The following AGAP1 variants were observed in gnomAD, a reference collection of about 807,000 sequenced individuals.
AGAP1 encodes the protein arf-GAP with GTPase, ANK repeat and PH domain-containing protein 1.
AGAP1 carries 29 observed loss-of-function variants against 105.3 expected under a neutral mutation model. The ratio of observed to expected loss-of-function variants is 0.28; its 90% CI spans 0.21 to 0.38. The LOEUF is 0.38. AGAP1 is among the 10% of genes least tolerant of loss of function. The pLI is 1.00. For missense variants in AGAP1, 998 were observed against 1,165.1 expected (o/e 0.86, Z 2.09); for synonymous variants, 509 against 485.9 (o/e 1.05, Z -0.63).
intron 13 of AGAP1, among the ~76,000 whole-genome samples, chr2:236,022,652 G>A (rs561529187): frequency 1.3e-5 from 2 of 152,082 alleles, no homozygotes; most frequent in South Asian, 2.1e-4. Flanking sequence ...TTCATGCCTC[G>A]GCCTCCTGAG....
Position 235,736,803 on chromosome 2 carries a change from C to T in AGAP1, c.311-4160C>T, listed in dbSNP as rs1261364162. Reference sequence around the variant, plus strand: ...CTGCAGTGAGTCATGTCCGTGCCACCGCACTCCAGCCTAGGCAACAGAGTG... The same window carrying T: ...CTGCAGTGAGTCATGTCCGTGCCACTGCACTCCAGCCTAGGCAACAGAGTG... On this transcript the variant is annotated intron_variant, in intron 3 of 17. Coordinates refer to ENST00000304032, the MANE Select transcript of AGAP1 (RefSeq NM_001037131.3). The surrounding 1 kb of genome is among the most constrained non-coding windows in gnomAD (Gnocchi z 5.5). Among the ~76,000 whole-genome samples, 4 of 152,158 alleles carry T rather than the reference C, an allele frequency of 2.6e-5. No individual in the cohort carries two copies. Among genetic ancestry groups the T allele is most frequent in the South Asian group, 2.1e-4 (1 of 4,808 alleles).
chr2:235,932,894 G>A (rs2052792191), intron 12 of AGAP1, among the ~76,000 whole-genome samples: 1 of 152,220 alleles, frequency 6.6e-6, no homozygotes, highest in Non-Finnish European at 1.5e-5. Context: ...CATTTGTACA[G>A]TACCCATGTG....
In AGAP1 at chr2:235,953,885, C is replaced by T. The variant is rs115612718; in HGVS notation, c.1484-14577C>T. ...GCTGCAGTGAGCTTTGATCATGCCA[C>T]TGCACTCCAGCCTGGTGAGGGTGAG... On this transcript the variant is annotated intron_variant, in intron 12 of 17. Coordinates refer to ENST00000304032, the MANE Select transcript of AGAP1 (RefSeq NM_001037131.3). The surrounding 1 kb of genome is among the most constrained non-coding windows in gnomAD (Gnocchi z 5.2). 0.016 allele frequency among the ~76,000 whole-genome samples: 2,472 copies of T among 151,616 alleles called. 72 individuals are homozygous for T. Among genetic ancestry groups the T allele is most frequent in the African/African-American group, 0.057 (2,353 of 41,304 alleles).
Position 235,789,636 on chromosome 2 carries a change from C to CAT in AGAP1, c.674-8115_674-8114dup, listed in dbSNP as rs908165378. On this transcript the variant is annotated intron_variant, in intron 6 of 17. Transcript: ENST00000304032. This position sits in a 1 kb window ranked among gnomAD's most constrained non-coding sequence, Gnocchi z 4.2. ...GGGTTGTTTGCTCAAAAAAAAAATACATATATATAGTCATATTTTGTGCTT... is the reference window on the plus strand; with the variant it reads ...GGGTTGTTTGCTCAAAAAAAAAATACATATATATATAGTCATATTTTGTGCTT... 6.6e-6 allele frequency among the ~76,000 whole-genome samples: 1 copy of CAT among 152,004 alleles called. No homozygotes were observed. The highest frequency in any genetic ancestry group is 1.5e-5 in the Non-Finnish European group (1 of 67,996).
At chr2:235,688,414 A>G (rs1949571903) in intron 1 of AGAP1, among the ~76,000 whole-genome samples, 1 of 152,064 alleles carries the variant, frequency 6.6e-6, no homozygotes, top group African/African-American at 2.4e-5. Context: ...CTGGAAGGTC[A>G]TGACGGTCCC....
At chr2:235,593,763 A>G (rs1251007971) in intron 1 of AGAP1, among the ~76,000 whole-genome samples, 1 of 152,168 alleles carries the variant, frequency 6.6e-6, no homozygotes, top group Non-Finnish European at 1.5e-5. Flanking sequence ...CAGGAGTTCA[A>G]GACCAGCCCG....
rs2054253190 is a variant in AGAP1 at position 235,962,989 on chromosome 2, C to G, written c.1484-5473C>G. On this transcript the variant is annotated intron_variant, in intron 12 of 17. Coordinates refer to ENST00000304032, the MANE Select transcript of AGAP1 (RefSeq NM_001037131.3). The surrounding 1 kb of genome is among the most constrained non-coding windows in gnomAD (Gnocchi z 5.3). ...CGGTGGATCTGTGGGAATCCAGAGT[C>G]CCATGGGGCTAGAAGTGCTCGTGTG... Among the ~76,000 whole-genome samples, 2 of 152,052 alleles carry G rather than the reference C, an allele frequency of 1.3e-5. No homozygotes were observed. Among genetic ancestry groups the G allele is most frequent in the Admixed American group, 6.5e-5 (1 of 15,270 alleles).
intron 1 of AGAP1, among the ~76,000 whole-genome samples, chr2:235,677,528 C>T (rs1310759258): frequency 3.9e-5 from 6 of 152,106 alleles, no homozygotes; most frequent in Non-Finnish European, 7.3e-5. Flanking sequence ...CTGGTGTGAT[C>T]GTTAGGTCCA....
At chr2:235,863,141 T>G (rs547291639) in intron 9 of AGAP1, among the ~76,000 whole-genome samples, 98 of 152,204 alleles carry the variant, frequency 6.4e-4, no homozygotes, top group Admixed American at 1.4e-3. Flanking sequence ...ATTTGCCAGG[T>G]TATGGGCAAG....
In AGAP1 at chr2:235,887,886, G is replaced by C. The variant is rs1415864432; in HGVS notation, c.1155+4437G>C. On this transcript the variant is annotated intron_variant, in intron 10 of 17. Transcript: ENST00000304032. This position sits in a 1 kb window ranked among gnomAD's most constrained non-coding sequence, Gnocchi z 4.1. ...TGGGGTGCTGACTTGAGAGCGCCAG[G>C]CTTGCAGTTGTATTAAACGTGGAAG... is the stretch of plus-strand genomic sequence containing the variant. Among the ~76,000 whole-genome samples, 1 of 152,166 alleles carries C rather than the reference G, an allele frequency of 6.6e-6. No individual in the cohort carries two copies. The highest frequency in any genetic ancestry group is 6.5e-5 in the Admixed American group (1 of 15,280).
At chr2:235,942,656 G>C (rs551665349) in intron 12 of AGAP1, among the ~76,000 whole-genome samples, 1 of 146,038 alleles carries the variant, frequency 6.8e-6, no homozygotes, top group South Asian at 2.3e-4. Context: ...TGGGTAACAA[G>C]AGCGAAACTC....
chr2:235,926,202 A>G (rs1049559231), intron 11 of AGAP1, among the ~76,000 whole-genome samples: 2 of 152,250 alleles, frequency 1.3e-5, no homozygotes, highest in African/African-American at 4.8e-5. Flanking sequence ...GCATATCTGT[A>G]TCAAAAAATG....
chr2:235,863,509 A>G (rs1292511509), intron 9 of AGAP1, among the ~76,000 whole-genome samples: 1 of 152,216 alleles, frequency 6.6e-6, no homozygotes, highest in African/African-American at 2.4e-5. Context: ...CAGTTGGCAC[A>G]TGTGGCTGAG....
At chr2:236,084,988 A>G (rs1481262781) in intron 16 of AGAP1, among the ~76,000 whole-genome samples, 2 of 152,004 alleles carry the variant, frequency 1.3e-5, no homozygotes, top group East Asian at 1.9e-4. Context: ...GCCAAGGTGG[A>G]TGGATCACAA....
At chr2:235,538,331 G>A (rs756963422) in intron 1 of AGAP1, among the ~76,000 whole-genome samples, 2 of 151,898 alleles carry the variant, frequency 1.3e-5, no homozygotes, top group African/African-American at 4.8e-5. Context: ...TATGTGATTA[G>A]CATTATTCAA....
At chr2:235,968,728 T>TGACCAGC in intron 13 of AGAP1, 105 bp downstream of exon 13, 1 of 1,191,062 alleles carries the variant, frequency 8.4e-7, no homozygotes, top group Non-Finnish European at 1.2e-6. Flanking sequence ...AAATGCACAG[T>TGACCAGC]AATGCTGGTC....
In AGAP1 at chr2:235,934,668, TC is replaced by T; in HGVS notation, c.1483+3751del. Among the ~76,000 whole-genome samples, 1 of 152,076 alleles carries T rather than the reference TC, an allele frequency of 6.6e-6. No homozygotes were observed. Among genetic ancestry groups the T allele is most frequent in the Non-Finnish European group, 1.5e-5 (1 of 67,994 alleles). On this transcript the variant is annotated intron_variant, in intron 12 of 17. Transcript: ENST00000304032. The surrounding 1 kb of genome is among the most constrained non-coding windows in gnomAD (Gnocchi z 4.9). ...CTTCTTAAGTTGCCGGTGATATAAGTCCCCCCTGCCCCCACTTCCTTTTCGA... is the reference window on the plus strand; with the variant it reads ...CTTCTTAAGTTGCCGGTGATATAAGTCCCCCTGCCCCCACTTCCTTTTCGA...
At chr2:235,749,660 C>G (rs1210561815) in intron 5 of AGAP1, among the ~76,000 whole-genome samples, 1 of 152,154 alleles carries the variant, frequency 6.6e-6, no homozygotes, top group Non-Finnish European at 1.5e-5. Context: ...CCTACTGCGC[C>G]CCACCTGCTG....
At chr2:235,767,266 C>T (rs1255288592) in intron 6 of AGAP1, among the ~76,000 whole-genome samples, 1 of 141,578 alleles carries the variant, frequency 7.1e-6, no homozygotes, top group Non-Finnish European at 1.6e-5. Context: ...CCATCATTCT[C>T]TCTTAACAGA....
Sources: allele counts gnomAD v4.1 joint callset (sites outside exome capture counted in the v4.1 genomes callset), GRCh38; gene constraint gnomAD v4.1.1; non-coding constraint Gnocchi (gnomAD v3.1); transcripts MANE v1.5; gene names NCBI Gene and HGNC (gene_info 2026-07-23, HGNC 2026-07-21).